Variants in ADGRL3 observed in about 807,000 individuals in gnomAD.
ADGRL3 encodes adhesion G protein-coupled receptor L3, also known as calcium-independent alpha-latrotoxin receptor 3.
Under a neutral mutation model 153.5 loss-of-function variants are expected in ADGRL3, and 62 were observed. The observed-to-expected ratio is 0.40, with a 90% CI of 0.33 to 0.50. The LOEUF (loss-of-function observed/expected upper bound fraction) is 0.50. Ranked by LOEUF, ADGRL3 falls within the 20% of genes least tolerant of loss-of-function variation. The probability of loss-of-function intolerance (pLI) is 0.47; values close to 1 mark genes in which losing one functional copy is unlikely to be tolerated. For synonymous variants in ADGRL3, 710 were observed against 672.5 expected (o/e 1.06, Z -0.86); for missense variants, 1,641 against 1,859.4 (o/e 0.88, Z 2.16).
At chr4:61,558,931 G>A (rs2098781963) in intron 4 of ADGRL3, among the ~76,000 whole-genome samples, 1 of 151,840 alleles carries the variant, frequency 6.6e-6, no homozygotes, top group Admixed American at 6.6e-5. Flanking sequence ...TTCCTAAGTC[G>A]TTTTTTTCCT....
chr4:61,368,018 T>C (rs1164260120), intron 1 of ADGRL3, among the ~76,000 whole-genome samples: 1 of 151,626 alleles, frequency 6.6e-6, no homozygotes, highest in East Asian at 1.9e-4. Flanking sequence ...ATGTGTTTTT[T>C]GGCTGCATAA....
At chr4:61,481,618 T>C (rs1408625277) in intron 2 of ADGRL3, among the ~76,000 whole-genome samples, 1 of 149,942 alleles carries the variant, frequency 6.7e-6, no homozygotes, top group East Asian at 1.9e-4. Flanking sequence ...TGAGTGTTTG[T>C]TTTTTTTTGT....
intron 8 of ADGRL3, among the ~76,000 whole-genome samples, chr4:61,746,854 G>A (rs1370623506): frequency 5.9e-5 from 9 of 151,616 alleles, no homozygotes; most frequent in Middle Eastern, 3.2e-3. Context: ...AAATAACTAA[G>A]ATCAGAGCAG....
intron 2 of ADGRL3, among the ~76,000 whole-genome samples, chr4:61,433,506 T>C (rs543144625): frequency 1.3e-5 from 2 of 152,294 alleles, no homozygotes; most frequent in South Asian, 2.1e-4. Flanking sequence ...TCTGAAAACT[T>C]TTTTTAATGT....
chr4:61,435,991 A>G (rs1424092459), intron 2 of ADGRL3, among the ~76,000 whole-genome samples: 1 of 152,158 alleles, frequency 6.6e-6, no homozygotes, highest in Non-Finnish European at 1.5e-5. Context: ...ATAGTAGATT[A>G]TGTCAAATAT....
intron 1 of ADGRL3, among the ~76,000 whole-genome samples, chr4:61,208,155 A>G (rs1560356078): frequency 6.6e-6 from 1 of 152,152 alleles, no homozygotes; most frequent in African/African-American, 2.4e-5. Context: ...AGGGGAAAAT[A>G]TCTGGATCTA....
At chr4:61,496,056 G>A (rs1290401757) in intron 2 of ADGRL3, among the ~76,000 whole-genome samples, 3 of 152,070 alleles carry the variant, frequency 2.0e-5, no homozygotes, top group African/African-American at 7.2e-5. Context: ...TTGATTTTCA[G>A]TACTGAATGA....
At chr4:62,048,220 T>A (rs11736598) in intron 25 of ADGRL3, among the ~76,000 whole-genome samples, 35,761 of 151,928 alleles carry the variant, frequency 0.24, 4,703 homozygotes, top group Middle Eastern at 0.36. Context: ...TCAAATCTTA[T>A]CTTGAGCTGT....
chr4:61,640,338 C>G lies in ADGRL3; in HGVS notation c.474-36488C>G, dbSNP rs140320265. On this transcript the variant is annotated intron_variant, in intron 5 of 26. Coordinates refer to ENST00000683033, the MANE Select transcript of ADGRL3 (RefSeq NM_001387552.1). ...ATCGTTCTCCCTCAGACAAGATTCA[C>G]CAGAGACATCTGCCCTCTATGGTGT... Among the ~76,000 whole-genome samples the G allele has an allele frequency of 2.6e-4, 40 of 152,274 alleles. 1 individual carries two copies. In the East Asian group the frequency reaches 7.3e-3, roughly 28 times the overall value.
At chr4:61,249,429 C>CCCTCCTCCT (rs753287425) in intron 1 of ADGRL3, among the ~76,000 whole-genome samples, 1 of 151,662 alleles carries the variant, frequency 6.6e-6, no homozygotes, top group East Asian at 1.9e-4. Context: ...TCCTGCCTCA[C>CCCTCCTCCT]CCTCCTCCTC....
intron 1 of ADGRL3, among the ~76,000 whole-genome samples, chr4:61,225,626 T>A (rs554424932): frequency 2.0e-5 from 3 of 152,198 alleles, no homozygotes; most frequent in Non-Finnish European, 4.4e-5. Flanking sequence ...CACTTTGTTA[T>A]TCACTTTAGC....
intron 8 of ADGRL3, among the ~76,000 whole-genome samples, chr4:61,753,785 A>T (rs1359954579): frequency 6.6e-6 from 1 of 152,208 alleles, no homozygotes; most frequent in Non-Finnish European, 1.5e-5. Context: ...ACCCCATTAA[A>T]CTTTTCCTCA....
At position 61,517,536 on chromosome 4, in the gene ADGRL3, G is replaced by A. The variant is rs1425119157; in HGVS notation, c.259+18G>A. ...AGCGCAAGGTGCGGCCAGCGGTGGG[G>A]AGAGAGGGCTGGGGGTGGCTGGGCA... is the stretch of plus-strand genomic sequence containing the variant. On this transcript the variant is annotated intron_variant, in intron 4 of 26. Transcript: ENST00000683033. 1.4e-6 allele frequency: 1 copy of A among 701,430 alleles called. No individual in the cohort carries two copies. The highest frequency in any genetic ancestry group is 2.6e-6 in the Non-Finnish European group (1 of 385,208). 43.5% of individuals were successfully genotyped at this position (701,430 alleles called of 1,614,324 possible).
chr4:61,856,598 CTCTCTCTTTTTTTTTTTTT>C (rs1265008090), intron 9 of ADGRL3, among the ~76,000 whole-genome samples: 4 of 56,894 alleles, frequency 7.0e-5, no homozygotes, highest in East Asian at 4.5e-4. Flanking sequence ...CTCTCTCTCT[CTCTCTCTTTTTTTTTTTTT>C]TTTTTTTTTT....
At chr4:61,996,478 C>A in intron 20 of ADGRL3, 121 bp downstream of exon 20, 1 of 681,468 alleles carries the variant, frequency 1.5e-6, no homozygotes, top group Admixed American at 2.6e-5. Flanking sequence ...TTATTTGACC[C>A]TACATAATTC....
rs931629455 is a variant in ADGRL3 at position 61,702,143 on chromosome 4, A to G, written c.583+25208A>G. ...TAAAGGATGATAGGAATACCAGGCCATTCCTGTCAAATTTCGTTCTGCTAA... is the reference window on the plus strand; with the variant it reads ...TAAAGGATGATAGGAATACCAGGCCGTTCCTGTCAAATTTCGTTCTGCTAA... On this transcript the variant is annotated intron_variant, in intron 6 of 26. Transcript: ENST00000683033. Among the ~76,000 whole-genome samples the G allele has an allele frequency of 2.0e-5, 3 of 152,178 alleles. No individual in the cohort carries two copies. In the South Asian group the frequency reaches 6.2e-4, roughly 32 times the overall value.
At chr4:61,742,604 T>C (rs2096595917) in intron 8 of ADGRL3, among the ~76,000 whole-genome samples, 1 of 152,100 alleles carries the variant, frequency 6.6e-6, no homozygotes, top group Admixed American at 6.6e-5. Context: ...TTAAGTAGTG[T>C]TCAAATACCT....
chr4:61,765,916 A>C (rs2096972256), intron 8 of ADGRL3, among the ~76,000 whole-genome samples: 1 of 152,062 alleles, frequency 6.6e-6, no homozygotes, highest in Non-Finnish European at 1.5e-5. Flanking sequence ...CTGAGAAGTT[A>C]TTTCTTTGAG....
chr4:61,534,739 G>A (rs1256790801), intron 4 of ADGRL3, among the ~76,000 whole-genome samples: 2 of 152,086 alleles, frequency 1.3e-5, no homozygotes, highest in Admixed American at 6.6e-5. Context: ...TTGGTTCTCA[G>A]CTTGAGAATT....
Sources: gnomAD v4.1 joint callset for allele counts (sites outside exome capture counted in the v4.1 genomes callset) on GRCh38, gnomAD v4.1.1 for gene constraint, MANE v1.5 for transcripts, NCBI Gene and HGNC (gene_info 2026-07-23, HGNC 2026-07-21) for gene names.